Variants in ASTN2 observed in about 807,000 individuals in gnomAD.
ASTN2 encodes the protein astrotactin 2, also known as astrotactin-2.
Under a neutral mutation model 139.8 loss-of-function variants are expected in ASTN2, and 54 were observed. The observed-to-expected ratio is 0.39, with a 90% confidence interval of 0.31 to 0.48. The LOEUF (loss-of-function observed/expected upper bound fraction) is 0.48, where lower values mean the gene tolerates loss of function less well. Ranked by LOEUF, ASTN2 falls within the 20% of genes least tolerant of loss-of-function variation. The probability of loss-of-function intolerance (pLI) is 0.95; values close to 1 mark genes in which losing one functional copy is unlikely to be tolerated. For synonymous variants in ASTN2, 756 were observed against 719.5 expected (o/e 1.05, Z -0.81); for missense variants, 1,565 against 1,725.1 (o/e 0.91, Z 1.64).
chr9:117,263,800 T>A (rs1373154535), intron 2 of ASTN2, among the ~76,000 whole-genome samples: 4 of 152,202 alleles, frequency 2.6e-5, no homozygotes, highest in Non-Finnish European at 5.9e-5. Context: ...ACACTACAAC[T>A]GAGCACAGTA....
At chr9:116,893,638 G>T (rs1007801885) in intron 10 of ASTN2, among the ~76,000 whole-genome samples, 1 of 152,050 alleles carries the variant, frequency 6.6e-6, no homozygotes, top group East Asian at 1.9e-4. Flanking sequence ...CATGGAGTGA[G>T]CACTCACCAA....
At chr9:117,139,140 T>C (rs1830016806) in intron 4 of ASTN2, among the ~76,000 whole-genome samples, 1 of 152,188 alleles carries the variant, frequency 6.6e-6, no homozygotes, top group Non-Finnish European at 1.5e-5. Flanking sequence ...TGGTGAATGA[T>C]ACAGAAGTAA....
chr9:117,225,535 G>GTATGTGTATATATA (rs369914209), intron 2 of ASTN2, among the ~76,000 whole-genome samples: 1 of 63,922 alleles, frequency 1.6e-5, no homozygotes, highest in East Asian at 2.5e-3. Context: ...CAAGCTGTAT[G>GTATGTGTATATATA]TATATATATA....
intron 5 of ASTN2, among the ~76,000 whole-genome samples, chr9:117,050,397 C>T (rs957408906): frequency 6.6e-6 from 1 of 152,054 alleles, no homozygotes; most frequent in Non-Finnish European, 1.5e-5. Context: ...TTAGTATTTA[C>T]TAGGCCTCCT....
intron 5 of ASTN2, among the ~76,000 whole-genome samples, chr9:117,087,015 G>T (rs12683796): frequency 6.6e-6 from 1 of 152,052 alleles, no homozygotes; most frequent in East Asian, 1.9e-4. Flanking sequence ...CTGAGTAGCA[G>T]GTCCTGGGGG....
Position 116,894,593 on chromosome 9 carries a change from G to A in ASTN2, c.1890-30860C>T, listed in dbSNP as rs574933660. Among the ~76,000 whole-genome samples, 3 of 152,218 alleles carry A rather than the reference G, an allele frequency of 2.0e-5. No homozygotes were observed. The South Asian group carries it at 6.2e-4, about 32-fold the overall frequency. On this transcript the variant is annotated intron_variant, in intron 10 of 22. Transcript: ENST00000313400. ...CAACTTTGACCTCCCAGGCTCAAGC[G>A]ATCCTCCTGCCTCAACCTCCCAAGT...
chr9:116,574,575 G>A (rs1328439281), intron 19 of ASTN2, among the ~76,000 whole-genome samples: 1 of 152,216 alleles, frequency 6.6e-6, no homozygotes, highest in Non-Finnish European at 1.5e-5. Flanking sequence ...AGGTGCTTGT[G>A]AACATGTGCC....
intron 19 of ASTN2, among the ~76,000 whole-genome samples, chr9:116,552,928 A>C (rs1852419310): frequency 6.6e-6 from 1 of 152,182 alleles, no homozygotes; most frequent in Non-Finnish European, 1.5e-5. Context: ...TAGTGTGATG[A>C]AGAGAATGGG....
At chr9:117,329,407 G>A (rs975844746) in intron 1 of ASTN2, among the ~76,000 whole-genome samples, 3 of 151,990 alleles carry the variant, frequency 2.0e-5, no homozygotes, top group African/African-American at 7.2e-5. Context: ...ACACAAGAAA[G>A]CCTGAATAAT....
chr9:116,934,598 A>T (rs1463857668), intron 10 of ASTN2, among the ~76,000 whole-genome samples: 1 of 152,088 alleles, frequency 6.6e-6, no homozygotes, highest in Non-Finnish European at 1.5e-5. Context: ...GGAAAAACAC[A>T]CACTGAGGCC....
At chr9:117,264,093 T>C (rs1189354217) in intron 2 of ASTN2, among the ~76,000 whole-genome samples, 1 of 152,132 alleles carries the variant, frequency 6.6e-6, no homozygotes, top group Non-Finnish European at 1.5e-5. Flanking sequence ...GAAATCTAAA[T>C]TGAAAAAAAT....
chr9:117,184,319 A>G (rs1025182960), intron 3 of ASTN2, among the ~76,000 whole-genome samples: 2 of 152,224 alleles, frequency 1.3e-5, no homozygotes. Context: ...AAGCAGGCAG[A>G]CTGTCTGTCC....
At chr9:116,989,286 G>A (rs549987439) in intron 7 of ASTN2, among the ~76,000 whole-genome samples, 39 of 152,302 alleles carry the variant, frequency 2.6e-4, no homozygotes, top group African/African-American at 9.1e-4. Context: ...AGACAAGGCA[G>A]TCTAGAGATC....
At chr9:117,143,766 G>T (rs1830128045) in intron 3 of ASTN2, among the ~76,000 whole-genome samples, 1 of 151,772 alleles carries the variant, frequency 6.6e-6, no homozygotes, top group East Asian at 1.9e-4. Context: ...TCTCCTCCCT[G>T]TGTCCTCACT....
chr9:116,847,576 A>T (rs1832477744), intron 11 of ASTN2, among the ~76,000 whole-genome samples: 1 of 152,244 alleles, frequency 6.6e-6, no homozygotes, highest in African/African-American at 2.4e-5. Context: ...GCTAACACTT[A>T]ATGGCACTTA....
intron 1 of ASTN2, among the ~76,000 whole-genome samples, chr9:117,312,780 GCCCCTAA>G (rs1285211396): frequency 1.3e-5 from 2 of 152,012 alleles, no homozygotes; most frequent in East Asian, 3.9e-4. Flanking sequence ...CTGGGCCTCA[GCCCCTAA>G]CCTTTGAAAT....
At chr9:117,286,641 G>A (rs1229908029) in intron 2 of ASTN2, among the ~76,000 whole-genome samples, 1 of 152,162 alleles carries the variant, frequency 6.6e-6, no homozygotes, top group Admixed American at 6.5e-5. Flanking sequence ...TGCACCCCAG[G>A]ATTCAAGCCA....
intron 1 of ASTN2, among the ~76,000 whole-genome samples, chr9:117,293,155 C>T (rs964142853): frequency 6.6e-6 from 1 of 152,124 alleles, no homozygotes; most frequent in East Asian, 1.9e-4. Context: ...TTCTCTCCCA[C>T]TCCTCATTCA....
intron 16 of ASTN2, among the ~76,000 whole-genome samples, chr9:116,715,672 T>C (rs1465552102): frequency 2.0e-5 from 3 of 152,192 alleles, no homozygotes; most frequent in Non-Finnish European, 4.4e-5. Context: ...AAAGCATTTA[T>C]TAAAAAAATC....
Sources: gnomAD v4.1 joint callset for allele counts (sites outside exome capture counted in the v4.1 genomes callset) on GRCh38, gnomAD v4.1.1 for gene constraint, MANE v1.5 for transcripts, NCBI Gene and HGNC (gene_info 2026-07-23, HGNC 2026-07-21) for gene names.